DPP6: variants seen among roughly 807,000 people sequenced by gnomAD.
The protein encoded by DPP6 is A-type potassium channel modulatory protein DPP6.
Under a neutral mutation model 122.6 loss-of-function variants are expected in DPP6, and 69 were observed. The observed-to-expected ratio is 0.56, with a 90% CI of 0.46 to 0.69. DPP6 has a LOEUF of 0.69. Ranked by LOEUF, DPP6 falls within the 30% of genes least tolerant of loss-of-function variation. The probability of loss-of-function intolerance (pLI) is 0.00; values close to 1 mark genes in which losing one functional copy is unlikely to be tolerated. For missense variants in DPP6, 928 were observed against 1,116.9 expected (o/e 0.83, Z 2.41); for synonymous variants, 418 against 433.1 (o/e 0.97, Z 0.43).
Position 154,433,307 on chromosome 7 carries a change from G to A in DPP6, c.244-12907G>A, listed in dbSNP as rs746179976. On this transcript the variant is annotated intron_variant, in intron 1 of 25. Transcript: ENST00000377770. ...ACAGGGACTACAGGTGCATGCCACC[G>A]TGCCTGACTAATTTTTGCATTTTTT... Among the ~76,000 whole-genome samples the A allele has an allele frequency of 6.2e-5, 9 of 144,450 alleles. No individual in the cohort carries two copies. In the South Asian group the frequency reaches 1.2e-3, roughly 19 times the overall value. The allele number at this position is 144,450 out of a possible 152,430, so 94.8% of individuals were successfully genotyped here.
chr7:154,291,214 C>T (rs1805189855), intron 1 of DPP6, among the ~76,000 whole-genome samples: 1 of 152,168 alleles, frequency 6.6e-6, no homozygotes, highest in Admixed American at 6.5e-5. Context: ...CCCATCACCA[C>T]CACCCTAACA....
At chr7:154,554,762 G>A (rs548571929) in intron 4 of DPP6, among the ~76,000 whole-genome samples, 46 of 152,236 alleles carry the variant, frequency 3.0e-4, no homozygotes, top group African/African-American at 1.0e-3. Flanking sequence ...TAAAAGTTAT[G>A]AGCAAAATAT....
intron 10 of DPP6, among the ~76,000 whole-genome samples, chr7:154,789,390 T>C (rs988355317): frequency 2.0e-5 from 3 of 152,198 alleles, no homozygotes; most frequent in African/African-American, 7.2e-5. Flanking sequence ...GAGGGAAGAA[T>C]AGTACAGTGG....
chr7:154,463,899 T>G (rs537209001), intron 2 of DPP6, among the ~76,000 whole-genome samples: 1 of 152,246 alleles, frequency 6.6e-6, no homozygotes, highest in African/African-American at 2.4e-5. Flanking sequence ...CTCCTAGAGC[T>G]GCAAGCTGTG....
chr7:153,810,671 C>CCCCTCTCTCT, the DPP6 span, among the ~76,000 whole-genome samples: 1 of 124,632 alleles, frequency 8.0e-6, no homozygotes, highest in African/African-American at 3.3e-5. Flanking sequence ...CTCTCTCTCT[C>CCCCTCTCTCT]CTCTCTCTCT....
intron 1 of DPP6, among the ~76,000 whole-genome samples, chr7:153,905,385 A>G (rs1237479265): frequency 1.3e-5 from 2 of 152,208 alleles, no homozygotes; most frequent in African/African-American, 4.8e-5. Flanking sequence ...TGAGGCCTTC[A>G]TTTTGGGTTA....
chr7:154,511,150 C>A (rs1008363505), intron 3 of DPP6, among the ~76,000 whole-genome samples: 1 of 152,268 alleles, frequency 6.6e-6, no homozygotes. Context: ...ATAGTGAGAA[C>A]ACCGAGCTGC....
chr7:153,763,347 C>T, the DPP6 span, among the ~76,000 whole-genome samples: 1 of 137,776 alleles, frequency 7.3e-6, no homozygotes, highest in Non-Finnish European at 1.5e-5. Context: ...TCTTTGCATT[C>T]TTACTTTGCA....
chr7:153,867,833 C>T, the DPP6 span, among the ~76,000 whole-genome samples: 2 of 152,120 alleles, frequency 1.3e-5, no homozygotes, highest in Non-Finnish European at 2.9e-5. Flanking sequence ...CCATCAATAC[C>T]TAATTTATTG....
Position 154,483,548 on chromosome 7 carries a change from T to C in DPP6, c.457+8511T>C, listed in dbSNP as rs1261464663. 2.0e-5 allele frequency among the ~76,000 whole-genome samples: 3 copies of C among 152,256 alleles called. No individual in the cohort carries two copies. Among genetic ancestry groups the C allele is most frequent in the Admixed American group, 2.0e-4 (3 of 15,280 alleles). ...GCAACTATCTGATTGGTTACAGTTA[T>C]GGAGTTGCCTTATTTGGTCAATCCT... On this transcript the variant is annotated intron_variant, in intron 3 of 25. Transcript: ENST00000377770. This position sits in a 1 kb window ranked among gnomAD's most constrained non-coding sequence, Gnocchi z 8.1.
intron 3 of DPP6, among the ~76,000 whole-genome samples, chr7:154,534,027 A>G (rs1181173891): frequency 6.6e-6 from 1 of 152,074 alleles, no homozygotes; most frequent in Admixed American, 6.6e-5. Flanking sequence ...TATATAAAAC[A>G]TGATAATATA....
chr7:154,496,482 TTTTAC>T (rs1249959969), intron 3 of DPP6, among the ~76,000 whole-genome samples: 4 of 152,214 alleles, frequency 2.6e-5, no homozygotes, highest in Admixed American at 2.0e-4. Flanking sequence ...TTTCAGCATG[TTTTAC>T]TGTGGGGTTA....
intron 1 of DPP6, among the ~76,000 whole-genome samples, chr7:154,207,505 C>T (rs2150800136): frequency 6.6e-6 from 1 of 152,340 alleles, no homozygotes; most frequent in African/African-American, 2.4e-5. Context: ...AGAAACACAG[C>T]TTATCATTCA....
chr7:154,256,355 T>G (rs543255506), intron 1 of DPP6, among the ~76,000 whole-genome samples: 2 of 152,340 alleles, frequency 1.3e-5, no homozygotes, highest in African/African-American at 4.8e-5. Context: ...CCTCCAGCTC[T>G]GCAGAGGGCA....
At chr7:154,267,045 C>G (rs1005190949) in intron 1 of DPP6, among the ~76,000 whole-genome samples, 1 of 151,962 alleles carries the variant, frequency 6.6e-6, no homozygotes, top group African/African-American at 2.4e-5. Flanking sequence ...ATACTTAAAC[C>G]AAGAGTAATA....
chr7:153,982,265 C>G (rs1796625080), intron 1 of DPP6, among the ~76,000 whole-genome samples: 1 of 151,576 alleles, frequency 6.6e-6, no homozygotes, highest in African/African-American at 2.4e-5. Flanking sequence ...TTTCTCTAAT[C>G]TTGTCTTCAT....
In DPP6 at chr7:154,191,172, G is replaced by A. The variant is rs140142084; in HGVS notation, c.243+138109G>A. Among the ~76,000 whole-genome samples the A allele has an allele frequency of 2.8e-3, 420 of 152,258 alleles. 1 individual carries two copies. Among genetic ancestry groups the A allele is most frequent in the African/African-American group, 9.7e-3 (403 of 41,556 alleles). Reference sequence around the variant, plus strand: ...ACTGCTGATGCCATTTTCTGCAAACGTTGCCTGAGCCAAGTCACTGACTGG... The same window carrying A: ...ACTGCTGATGCCATTTTCTGCAAACATTGCCTGAGCCAAGTCACTGACTGG... On this transcript the variant is annotated intron_variant, in intron 1 of 25. Transcript: ENST00000377770.
intron 5 of DPP6, among the ~76,000 whole-genome samples, chr7:154,574,856 GGT>G (rs1325046861): frequency 5.0e-5 from 7 of 140,368 alleles, no homozygotes; most frequent in East Asian, 2.3e-4. Flanking sequence ...TGATGTGTGT[GGT>G]GTGTGTGTTT....
At chr7:154,419,726 G>C (rs778676346) in intron 1 of DPP6, among the ~76,000 whole-genome samples, 70 of 152,216 alleles carry the variant, frequency 4.6e-4, no homozygotes, top group Non-Finnish European at 8.1e-4. Context: ...TTGTGTAAGA[G>C]TTTATGGGCT....
Sources: gnomAD v4.1 joint callset for allele counts (sites outside exome capture counted in the v4.1 genomes callset) on GRCh38, gnomAD v4.1.1 for gene constraint, Gnocchi (gnomAD v3.1) non-coding constraint, MANE v1.5 for transcripts, NCBI Gene and HGNC (gene_info 2026-07-23, HGNC 2026-07-21) for gene names.